Variants in TCP11L1 observed in about 807,000 individuals in gnomAD.
TCP11L1 encodes T-complex protein 11-like protein 1.
A neutral mutation model predicts 48.9 loss-of-function variants in TCP11L1; 28 were observed. The ratio of observed to expected loss-of-function variants is 0.57; its 90% CI spans 0.42 to 0.78. The LOEUF is 0.78. Among genes scored for constraint, TCP11L1 ranks in the 30% least tolerant of loss-of-function variants. The probability of loss-of-function intolerance (pLI) is 0.00; values close to 1 mark genes in which losing one functional copy is unlikely to be tolerated. For synonymous variants in TCP11L1, 204 were observed against 231.9 expected (o/e 0.88, Z 1.09); for missense variants, 505 against 613.4 (o/e 0.82, Z 1.87).
At chr11:33,046,344 T>C (rs568414531) in intron 2 of TCP11L1, among the ~76,000 whole-genome samples, 8 of 152,400 alleles carry the variant, frequency 5.2e-5, no homozygotes, top group African/African-American at 1.9e-4. Flanking sequence ...GCTTCGCCTT[T>C]GGCATCTTGT....
chr11:33,072,794 C>A lies in TCP11L1; in HGVS notation c.*118C>A. ...CATGTCTATTTAACAGCACCGATTC[C>A]AAAGGGAAGAATATTGTGTATCACT... On this transcript the variant is annotated 3_prime_UTR_variant, in exon 10 of 10. Coordinates refer to ENST00000334274, the MANE Select transcript of TCP11L1 (RefSeq NM_018393.4). 1 of 1,074,036 alleles carries A rather than the reference C, an allele frequency of 9.3e-7. No homozygotes were observed. Among genetic ancestry groups the A allele is most frequent in the Non-Finnish European group, 1.4e-6 (1 of 726,006 alleles). 66.5% of individuals were successfully genotyped at this position (1,074,036 alleles called of 1,614,324 possible). A position where few individuals can be genotyped will look rare whatever the true frequency, so the allele number is the denominator to read the frequency against.
chr11:33,065,904 G>A lies in TCP11L1; in HGVS notation c.1047G>A (p.Val349=). Residue 349 remains valine (V), a synonymous_variant, in exon 8 of 10, where the codon GTG becomes GTA. Transcript: ENST00000334274. The part of the protein sequence containing the change: ...QLEQLTILGA[V]LLVTFSMAAP... ...AACAACTGACCATCCTGGGGGCTGTGTTGCTGGTCACCTTCAGCATGGCAG... is the reference window on the plus strand; with the variant it reads ...AACAACTGACCATCCTGGGGGCTGTATTGCTGGTCACCTTCAGCATGGCAG... 1 of 1,614,214 alleles carries A rather than the reference G, an allele frequency of 6.2e-7. No individual in the cohort carries two copies. Among genetic ancestry groups the A allele is most frequent in the South Asian group, 1.1e-5 (1 of 91,086 alleles).
chr11:33,057,889 T>C, intron 4 of TCP11L1, 30 bp from the exon 5 acceptor site: 1 of 1,559,990 alleles, frequency 6.4e-7, no homozygotes, highest in Non-Finnish European at 8.7e-7. Flanking sequence ...CTAAAGAATT[T>C]TGATTAAACG....
chr11:33,049,811 A>G (rs112716124), intron 2 of TCP11L1, among the ~76,000 whole-genome samples: 21,749 of 152,082 alleles, frequency 0.14, 1,665 homozygotes, highest in Middle Eastern at 0.22. Flanking sequence ...TCTTATCTCA[A>G]CTGCAAAGAG....
intron 2 of TCP11L1, among the ~76,000 whole-genome samples, chr11:33,051,398 ACCTTGTGGTCCGC>A (rs1590225580): frequency 6.6e-6 from 1 of 151,534 alleles, no homozygotes; most frequent in East Asian, 2.0e-4. Context: ...TGTTCTCCCG[ACCTTGTGGTCCGC>A]TCGCCTCAGC....
intron 2 of TCP11L1, among the ~76,000 whole-genome samples, chr11:33,045,880 G>T (rs1853977698): frequency 6.6e-6 from 1 of 152,214 alleles, no homozygotes; most frequent in African/African-American, 2.4e-5. Flanking sequence ...AGAAAGCAGT[G>T]TATCAAGCAC....
In TCP11L1 at chr11:33,073,086, T is replaced by G; in HGVS notation, c.*410T>G. ...CAAGCCATGGCCTCACCTCCTGCCC[T>G]CCCTCAGACAGCCTTGTCCCTCACC... On this transcript the variant is annotated 3_prime_UTR_variant, in exon 10 of 10. Transcript: ENST00000334274. The G allele has an allele frequency of 4.8e-6, 1 of 207,476 alleles. No homozygotes were observed. The highest frequency in any genetic ancestry group is 9.9e-6 in the Non-Finnish European group (1 of 101,162). 12.9% of individuals were successfully genotyped at this position (207,476 alleles called of 1,614,324 possible).
chr11:33,059,143 AT>A (rs1590233494), intron 6 of TCP11L1, 48 bp downstream of exon 6: 1 of 1,601,046 alleles, frequency 6.2e-7, no homozygotes, highest in Non-Finnish European at 8.5e-7. Flanking sequence ...GTGGTTTTTC[AT>A]TTTAGCTGCC....
chr11:33,050,970 C>T (rs1854143718), intron 2 of TCP11L1, among the ~76,000 whole-genome samples: 1 of 152,146 alleles, frequency 6.6e-6, no homozygotes, highest in Non-Finnish European at 1.5e-5. Context: ...CATGCCACCA[C>T]ACCTGGCTAA....
In TCP11L1 at chr11:33,059,044, T is replaced by G. The variant is rs577034809; in HGVS notation, c.724T>G (p.Ser242Ala). ...SSIRPHLMQQ[S>A]VEYERKKFQE... Reference sequence around the variant, plus strand: ...CATCAGGCCTCATCTCATGCAGCAGTCAGTTGAATACGAAAGGAAGAAGTT... The same window carrying G: ...CATCAGGCCTCATCTCATGCAGCAGGCAGTTGAATACGAAAGGAAGAAGTT... Residue 242 changes from serine (S) to alanine (A), a missense_variant, in exon 6 of 10, where the codon TCA becomes GCA. By Grantham distance (99) the Ser-to-Ala change is moderately conservative. This residue lies in a region of TCP11L1 where 335 missense variants were observed against 413.3 expected (regional missense o/e 0.81). Transcript: ENST00000334274. The G allele has an allele frequency of 8.1e-6, 13 of 1,614,220 alleles. No individual in the cohort carries two copies. The African/African-American group carries it at 1.1e-4, about 13-fold the overall frequency.
intron 8 of TCP11L1, among the ~76,000 whole-genome samples, chr11:33,067,529 T>G (rs1410000124): frequency 1.3e-5 from 2 of 152,212 alleles, no homozygotes; most frequent in Non-Finnish European, 2.9e-5. Flanking sequence ...CTGAGGCCTT[T>G]GCACAGGTAC....
chr11:33,063,230 C>G (rs866256221), intron 7 of TCP11L1, among the ~76,000 whole-genome samples: 1 of 152,170 alleles, frequency 6.6e-6, no homozygotes, highest in African/African-American at 2.4e-5. Context: ...TTTATTCATT[C>G]ATCAGTTGAC....
chr11:33,043,846 C>T lies in TCP11L1; in HGVS notation c.73C>T (p.Leu25Phe). The change falls in exon 2 of 10, where the codon CTC (leucine) becomes TTC (phenylalanine). Residue 25 changes from leucine to phenylalanine, a missense_variant. This residue lies in a region of TCP11L1 where 168 missense variants were observed against 183.5 expected (regional missense o/e 0.92). Transcript: ENST00000334274. The stretch of plus-strand genomic sequence containing the variant: ...AAAATCCAATGATTCTGAGGAAGGC[C>T]TCGAAGATGCTGTGGAAGGTGCTGA... ...KSKSNDSEEG[L>F]EDAVEGADEA... The T allele has an allele frequency of 6.2e-7, 1 of 1,613,750 alleles. No homozygotes were observed. The highest frequency in any genetic ancestry group is 1.7e-5 in the Admixed American group (1 of 59,966).
intron 3 of TCP11L1, among the ~76,000 whole-genome samples, chr11:33,055,302 T>C (rs1330865475): frequency 1.3e-5 from 2 of 152,190 alleles, no homozygotes; most frequent in Non-Finnish European, 2.9e-5. Context: ...AAGTCAGGAT[T>C]CTGGATGGTG....
chr11:33,072,110 C>T (rs2133754434), intron 9 of TCP11L1, among the ~76,000 whole-genome samples: 1 of 152,246 alleles, frequency 6.6e-6, no homozygotes, highest in South Asian at 2.1e-4. Context: ...TCCCAAAGTG[C>T]TGGGATTACA....
intron 3 of TCP11L1, chr11:33,056,632 G>A (rs756756239): frequency 1.3e-4 from 30 of 225,450 alleles, no homozygotes; most frequent in African/African-American, 6.4e-4. Context: ...GCACTATCTC[G>A]GCTCACTGCA....
At chr11:33,059,573 A>G (rs1854413262) in intron 6 of TCP11L1, among the ~76,000 whole-genome samples, 1 of 152,238 alleles carries the variant, frequency 6.6e-6, no homozygotes, top group Non-Finnish European at 1.5e-5. Context: ...TGACTGCAGA[A>G]AACAGACGAC....
At chr11:33,045,546 A>G (rs750909412) in intron 2 of TCP11L1, among the ~76,000 whole-genome samples, 1 of 152,072 alleles carries the variant, frequency 6.6e-6, no homozygotes, top group Non-Finnish European at 1.5e-5. Flanking sequence ...AAAAATAAAG[A>G]GGCCAGGATT....
chr11:33,042,664 G>A (rs1853872484), intron 1 of TCP11L1, among the ~76,000 whole-genome samples: 1 of 152,214 alleles, frequency 6.6e-6, no homozygotes, highest in Admixed American at 6.5e-5. Flanking sequence ...AGGGCGCAGT[G>A]GCTCATGGCT....
Sources: allele counts gnomAD v4.1 joint callset (sites outside exome capture counted in the v4.1 genomes callset), GRCh38; gene constraint gnomAD v4.1.1; regional missense constraint gnomAD v4.1.1; transcripts MANE v1.5; gene names NCBI Gene and HGNC (gene_info 2026-07-23, HGNC 2026-07-21).